The following DEF8 variants were observed in gnomAD, a reference collection of about 807,000 sequenced individuals.
DEF8 encodes the protein differentially expressed in FDCP 8 homolog, also known as DEF-8.
In DEF8, 38 loss-of-function variants were observed where a neutral mutation model predicts 59.1. The observed-to-expected ratio is 0.64, with a 90% CI of 0.50 to 0.84. The LOEUF (loss-of-function observed/expected upper bound fraction) is 0.84. Ranked by LOEUF, DEF8 falls within the 40% of genes least tolerant of loss-of-function variation. The pLI, the probability that DEF8 is intolerant of heterozygous loss-of-function variation, is 0.00. For missense variants in DEF8, 557 were observed against 615.2 expected, an observed-to-expected ratio of 0.91 and a Z score of 1.00; for synonymous variants, 265 against 250.1, an observed-to-expected ratio of 1.06 and a Z score of -0.56.
At chr16:89,957,796 G>A in intron 5 of DEF8, 136 bp downstream of exon 5, 1 of 1,078,914 alleles carries the variant, frequency 9.3e-7, no homozygotes, top group Non-Finnish European at 1.3e-6. Context: ...AGGTAGAAGG[G>A]CACGAGACAG....
intron 11 of DEF8, 67 bp downstream of exon 11, chr16:89,964,377 A>C: frequency 6.5e-7 from 1 of 1,540,642 alleles, no homozygotes; most frequent in African/African-American, 1.4e-5. Context: ...CAGGAGAAGC[A>C]GCCCAGCCCA....
chr16:89,957,983 C>T (rs2033488724), intron 5 of DEF8: 2 of 200,574 alleles, frequency 1.0e-5, no homozygotes, highest in Admixed American at 1.1e-4. Flanking sequence ...TCCAACTCGA[C>T]TTCCTGTGTC....
intron 4 of DEF8, 75 bp from the exon 5 acceptor site, chr16:89,957,436 G>C (rs1210521757): frequency 6.7e-7 from 1 of 1,482,758 alleles, no homozygotes; most frequent in Non-Finnish European, 9.1e-7. Context: ...CTCTGGGCCT[G>C]TCTCGGCGGA....
chr16:89,962,713 C>G (rs1029278190), intron 9 of DEF8, among the ~76,000 whole-genome samples: 2 of 152,204 alleles, frequency 1.3e-5, no homozygotes, highest in Admixed American at 6.5e-5. Flanking sequence ...TTTATTTAGC[C>G]CAATATATCC....
chr16:89,961,126 G>A (rs903752679), intron 7 of DEF8, 31 bp downstream of exon 7: 40 of 1,598,454 alleles, frequency 2.5e-5, no homozygotes, highest in Non-Finnish European at 3.3e-5. Context: ...AAGAGGGTGA[G>A]GGAGCTGTTC....
chr16:89,960,480 G>A (rs774925487), intron 6 of DEF8, among the ~76,000 whole-genome samples: 9 of 152,158 alleles, frequency 5.9e-5, no homozygotes, highest in Non-Finnish European at 1.3e-4. Context: ...CTACACTCCA[G>A]CCTGGGCAAA....
rs991877758 is a variant in DEF8 at position 89,967,735 on chromosome 16, A to G, written c.*1772A>G. On this transcript the variant is annotated 3_prime_UTR_variant, in exon 13 of 13. Transcript: ENST00000563594. ...TATTAGCCATTCCGAAATCTGTGTAATCAACTTCACATTATTCAAGTTACA... is the reference window on the plus strand; with the variant it reads ...TATTAGCCATTCCGAAATCTGTGTAGTCAACTTCACATTATTCAAGTTACA... 41 of 354,304 alleles carry G rather than the reference A, an allele frequency of 1.2e-4. No individual in the cohort carries two copies. The highest frequency in any genetic ancestry group is 8.2e-4 in the African/African-American group (39 of 47,658). 21.9% of individuals were successfully genotyped at this position (354,304 alleles called of 1,614,324 possible). A position where few individuals can be genotyped will look rare whatever the true frequency, so the allele number is the denominator to read the frequency against.
chr16:89,959,990 T>C (rs1228266252), intron 6 of DEF8, among the ~76,000 whole-genome samples: 2 of 150,424 alleles, frequency 1.3e-5, no homozygotes, highest in Non-Finnish European at 2.9e-5. Context: ...GTGGTTGATA[T>C]AAGGAGGAGC....
At chr16:89,965,262 C>T (rs1243770895) in intron 12 of DEF8, among the ~76,000 whole-genome samples, 1 of 152,098 alleles carries the variant, frequency 6.6e-6, no homozygotes, top group Non-Finnish European at 1.5e-5. Context: ...ATCTTCCAGA[C>T]CTGGAATCAG....
chr16:89,961,719 G>A lies in DEF8; in HGVS notation c.680-18G>A, dbSNP rs765289602. The A allele has an allele frequency of 3.1e-6, 5 of 1,612,158 alleles. No individual in the cohort carries two copies. The highest frequency in any genetic ancestry group is 2.5e-6 in the Non-Finnish European group (3 of 1,179,948). ...TTTTTGTGAGGCAGGGACACTCAGGGCCCCTCTGACCCTGCAGGGGGTGTG... is the reference window on the plus strand; with the variant it reads ...TTTTTGTGAGGCAGGGACACTCAGGACCCCTCTGACCCTGCAGGGGGTGTG... On this transcript the variant is annotated intron_variant, in intron 7 of 12. Coordinates refer to ENST00000563594, the MANE Select transcript of DEF8 (RefSeq NM_001242818.2).
At chr16:89,958,563 A>C (rs1193682790) in intron 5 of DEF8, 1 of 173,450 alleles carries the variant, frequency 5.8e-6, no homozygotes, top group Non-Finnish European at 1.3e-5. Context: ...AAAAAACCCC[A>C]AAACATAGTG....
rs1261277296 is a variant in DEF8 at position 89,954,557 on chromosome 16, A to G, written c.124+181A>G. 6.6e-6 allele frequency among the ~76,000 whole-genome samples: 1 copy of G among 152,178 alleles called. No homozygotes were observed. The highest frequency in any genetic ancestry group is 1.5e-5 in the Non-Finnish European group (1 of 68,024). The stretch of plus-strand genomic sequence containing the variant: ...TGTGGTTTGTTTCTGTGTCCCCACT[A>G]GAATTCACATTCCTGAGGGCAAGAT... On this transcript the variant is annotated intron_variant, in intron 3 of 12. Coordinates refer to ENST00000563594, the MANE Select transcript of DEF8 (RefSeq NM_001242818.2). The surrounding 1 kb of genome is among the most constrained non-coding windows in gnomAD (Gnocchi z 4.3).
chr16:89,958,979 C>A, intron 5 of DEF8, 35 bp from the exon 6 acceptor site: 5 of 1,602,952 alleles, frequency 3.1e-6, no homozygotes, highest in South Asian at 1.1e-5. Context: ...CAGCCCAGCT[C>A]ACCTGTGACC....
At chr16:89,956,375 G>T (rs371648167) in intron 4 of DEF8, among the ~76,000 whole-genome samples, 1 of 150,838 alleles carries the variant, frequency 6.6e-6, no homozygotes, top group African/African-American at 2.4e-5. Flanking sequence ...CAGGAGAATC[G>T]CTTGAACCCG....
intron 12 of DEF8, among the ~76,000 whole-genome samples, 157 bp from the exon 13 acceptor site, chr16:89,965,704 C>T (rs2151226536): frequency 6.6e-6 from 1 of 152,268 alleles, no homozygotes; most frequent in East Asian, 1.9e-4. Flanking sequence ...AAGCGCTCTG[C>T]ACACGGCCAT....
chr16:89,950,608 T>G (rs2031857791), intron 2 of DEF8, among the ~76,000 whole-genome samples: 1 of 152,150 alleles, frequency 6.6e-6, no homozygotes, highest in African/African-American at 2.4e-5. Context: ...CAGGCTGGTT[T>G]GAACTCTTGA....
intron 5 of DEF8, 102 bp from the exon 6 acceptor site, chr16:89,958,912 C>G: frequency 6.5e-7 from 1 of 1,543,028 alleles, no homozygotes; most frequent in Admixed American, 1.8e-5. Context: ...CAATCTCTGC[C>G]CTAAATGGTG....
rs569710348 is a variant in DEF8, at chr16:89,948,860, C to T, written c.-108+46C>T. On this transcript the variant is annotated intron_variant, in intron 1 of 12. Transcript: ENST00000563594. The stretch of plus-strand genomic sequence containing the variant: ...GGGGTCGGGGCCGGCGGGGACGGGG[C>T]CGGCGGGGACGGGGCCGGCGGGGAC... 3.3e-3 allele frequency: 2,324 copies of T among 696,302 alleles called. 132 individuals carry two copies. In the African/African-American group the frequency reaches 0.092, roughly 27 times the overall value. The allele number at this position is 696,302 out of a possible 1,614,324, so 43.1% of individuals were successfully genotyped here.
intron 12 of DEF8, 117 bp from the exon 13 acceptor site, chr16:89,965,744 G>A (rs913800364): frequency 1.5e-5 from 10 of 647,198 alleles, no homozygotes; most frequent in South Asian, 7.5e-5. Context: ...TGCAGACTCC[G>A]ACTCTGCCCT....
Sources: gnomAD v4.1 joint callset for allele counts (sites outside exome capture counted in the v4.1 genomes callset) on GRCh38, gnomAD v4.1.1 for gene constraint, Gnocchi (gnomAD v3.1) non-coding constraint, MANE v1.5 for transcripts, NCBI Gene and HGNC (gene_info 2026-07-23, HGNC 2026-07-21) for gene names.